The following GPR149 variants were observed in gnomAD, a reference collection of about 807,000 sequenced individuals.
GPR149 encodes G protein-coupled receptor 149, also known as probable G protein-coupled receptor 149.
GPR149 carries 50 observed loss-of-function variants against 50.2 expected under a neutral mutation model. The ratio of observed to expected loss-of-function variants is 1.00; its 90% CI spans 0.79 to 1.26. The LOEUF is 1.26. GPR149 is among the 50% of genes most tolerant of loss of function. GPR149 has a pLI of 0.00. For synonymous variants in GPR149, 405 were observed against 358.2 expected, an observed-to-expected ratio of 1.13 and a Z score of -1.48; for missense variants, 983 against 895.4, an observed-to-expected ratio of 1.10 and a Z score of -1.25.
intron 3 of GPR149, among the ~76,000 whole-genome samples, chr3:154,371,207 A>G (rs867009528): frequency 2.0e-5 from 3 of 152,252 alleles, no homozygotes; most frequent in African/African-American, 4.8e-5. Context: ...ACCGAATGCT[A>G]GGAATACAAA....
intron 3 of GPR149, chr3:154,352,634 T>C (rs1319946970): frequency 1.3e-6 from 1 of 778,084 alleles, no homozygotes; most frequent in African/African-American, 1.7e-5. Context: ...GCACCAGAAA[T>C]GTGGGCTAAA....
chr3:154,405,585 CAAAA>C (rs33943436), intron 3 of GPR149, among the ~76,000 whole-genome samples: 24 of 83,482 alleles, frequency 2.9e-4, no homozygotes, highest in South Asian at 1.0e-3. Context: ...AAGACTCCAT[CAAAA>C]AAAAAAAAAA....
chr3:154,423,103 G>T (rs1267483050), intron 2 of GPR149, among the ~76,000 whole-genome samples: 1 of 151,804 alleles, frequency 6.6e-6, no homozygotes, highest in Non-Finnish European at 1.5e-5. Flanking sequence ...TGTGCAGAAT[G>T]TGTTAAAGGA....
intron 3 of GPR149, among the ~76,000 whole-genome samples, chr3:154,360,069 G>T (rs1714343860): frequency 6.6e-6 from 1 of 152,134 alleles, no homozygotes; most frequent in South Asian, 2.1e-4. Flanking sequence ...ATCCACTTCT[G>T]TAAGCAGTTG....
intron 3 of GPR149, among the ~76,000 whole-genome samples, chr3:154,364,851 G>A (rs1230264003): frequency 6.6e-6 from 1 of 152,188 alleles, no homozygotes; most frequent in Non-Finnish European, 1.5e-5. Context: ...TTGCACTCTG[G>A]CAGTTCTAGA....
chr3:154,350,371 G>A (rs894528822), intron 3 of GPR149, among the ~76,000 whole-genome samples: 4 of 152,082 alleles, frequency 2.6e-5, no homozygotes, highest in African/African-American at 9.7e-5. Context: ...TAAGATACAT[G>A]TACAAAATCA....
intron 3 of GPR149, among the ~76,000 whole-genome samples, chr3:154,355,190 G>A (rs1047923251): frequency 6.6e-6 from 1 of 152,046 alleles, no homozygotes; most frequent in Non-Finnish European, 1.5e-5. Flanking sequence ...ACCAGGCCCA[G>A]CTAATTTTGG....
chr3:154,371,593 T>C (rs1291881665), intron 3 of GPR149, among the ~76,000 whole-genome samples: 1 of 152,168 alleles, frequency 6.6e-6, no homozygotes, highest in Non-Finnish European at 1.5e-5. Context: ...GCCAGCTTAA[T>C]TCTCTAGCTG....
chr3:154,418,046 CAA>C (rs1712035600), intron 3 of GPR149, among the ~76,000 whole-genome samples: 1 of 149,918 alleles, frequency 6.7e-6, no homozygotes, highest in Admixed American at 6.7e-5. Context: ...TTTATGCAGC[CAA>C]AAGACACATG....
intron 3 of GPR149, among the ~76,000 whole-genome samples, chr3:154,366,103 C>A (rs1714524793): frequency 6.6e-6 from 1 of 152,116 alleles, no homozygotes; most frequent in Non-Finnish European, 1.5e-5. Flanking sequence ...GGCCCTCAAC[C>A]AAATGACTGG....
chr3:154,365,423 T>C (rs2108397649), intron 3 of GPR149, among the ~76,000 whole-genome samples: 1 of 152,312 alleles, frequency 6.6e-6, no homozygotes, highest in South Asian at 2.1e-4. Flanking sequence ...GGCTTCCCTC[T>C]ATTCATACTA....
chr3:154,426,905 TGTGTGTGTGA>T (rs1175805576), intron 2 of GPR149, among the ~76,000 whole-genome samples: 1 of 141,662 alleles, frequency 7.1e-6, no homozygotes, highest in African/African-American at 2.6e-5. Context: ...TGTGTGTGTG[TGTGTGTGTGA>T]GACAGAGAGA....
chr3:154,338,265 C>G lies in GPR149; in HGVS notation c.1630G>C (p.Gly544Arg), dbSNP rs770205837. The change falls in exon 4 of 4, where the codon GGT (glycine) becomes CGT (arginine). Residue 544 changes from glycine (G) to arginine (R), a missense_variant. By Grantham distance (125) the Gly-to-Arg change is moderately radical. Coordinates refer to ENST00000389740, the MANE Select transcript of GPR149 (RefSeq NM_001038705.3). ...CACAAGGGAATGGCAAGGGCATAACCGGAACGCTGGGGACAAAAACAAAAT... is the reference window on the plus strand; with the variant it reads ...CACAAGGGAATGGCAAGGGCATAACGGGAACGCTGGGGACAAAAACAAAAT... ...KSERTPRQRS[G>R]YALAIPLCAF... The G allele has an allele frequency of 1.9e-6, 3 of 1,549,764 alleles. No individual in the cohort carries two copies. In the African/African-American group the frequency reaches 4.1e-5, roughly 21 times the overall value.
At chr3:154,372,035 C>T (rs951610778) in intron 3 of GPR149, among the ~76,000 whole-genome samples, 6 of 141,730 alleles carry the variant, frequency 4.2e-5, no homozygotes, top group African/African-American at 1.5e-4. Flanking sequence ...CTCTGGAAGA[C>T]ACCACAACTG....
At chr3:154,387,420 C>T (rs758727670) in intron 3 of GPR149, among the ~76,000 whole-genome samples, 1 of 152,110 alleles carries the variant, frequency 6.6e-6, no homozygotes, top group Non-Finnish European at 1.5e-5. Flanking sequence ...GCCTTGGGCT[C>T]AATGAATGTT....
chr3:154,388,466 C>T (rs1446467883), intron 3 of GPR149, among the ~76,000 whole-genome samples: 3 of 152,068 alleles, frequency 2.0e-5, no homozygotes, highest in Non-Finnish European at 4.4e-5. Context: ...CCCAGCTTTC[C>T]ACTGTTCTCT....
chr3:154,414,384 T>G (rs1711927598), intron 3 of GPR149, among the ~76,000 whole-genome samples: 1 of 152,026 alleles, frequency 6.6e-6, no homozygotes, highest in Non-Finnish European at 1.5e-5. Flanking sequence ...ATCACCACAT[T>G]ATTCATAATA....
intron 3 of GPR149, among the ~76,000 whole-genome samples, chr3:154,395,536 C>G (rs924670155): frequency 6.6e-6 from 1 of 151,606 alleles, no homozygotes; most frequent in East Asian, 1.9e-4. Flanking sequence ...TGCCTGTAAC[C>G]CTAGCACTTT....
intron 3 of GPR149, among the ~76,000 whole-genome samples, chr3:154,398,145 A>T (rs754011226): frequency 2.4e-4 from 36 of 152,176 alleles, no homozygotes; most frequent in Non-Finnish European, 4.4e-4. Flanking sequence ...TTATCAACAC[A>T]CCATTGGGAT....
Sources: allele counts gnomAD v4.1 joint callset (sites outside exome capture counted in the v4.1 genomes callset), GRCh38; gene constraint gnomAD v4.1.1; transcripts MANE v1.5; gene names NCBI Gene and HGNC (gene_info 2026-07-23, HGNC 2026-07-21).